The following MRC2 variants were observed in gnomAD, a reference collection of about 807,000 sequenced individuals.
MRC2 encodes the protein C-type mannose receptor 2.
Under a neutral mutation model 206.2 loss-of-function variants are expected in MRC2, and 84 were observed. The ratio of observed to expected loss-of-function variants is 0.41; its 90% confidence interval spans 0.34 to 0.49. MRC2 has a LOEUF of 0.49. Among genes scored for constraint, MRC2 ranks in the 20% least tolerant of loss-of-function variants. MRC2 has a pLI of 0.31. For synonymous variants in MRC2, 798 were observed against 800.0 expected (o/e 1.00, Z 0.04); for missense variants, 1,676 against 2,001.5 (o/e 0.84, Z 3.10).
chr17:62,681,896 T>C lies in MRC2; in HGVS notation c.2762T>C (p.Val921Ala). ...TGGGCACCAGGCAAACCTCGGCCTG[T>C]CGGCAAGGACAAGAAGTGCGTGTAC... ...ISWAPGKPRPVGKDKKCVYMT... is the reference protein window; with the variant it reads ...ISWAPGKPRPAGKDKKCVYMT... The change falls in exon 19 of 30, where the codon GTC (valine) becomes GCC (alanine). Residue 921 changes from valine (V) to alanine (A), a missense_variant. Transcript: ENST00000303375. 6.2e-7 allele frequency: 1 copy of C among 1,613,968 alleles called. No individual in the cohort carries two copies. The highest frequency in any genetic ancestry group is 8.5e-7 in the Non-Finnish European group (1 of 1,180,002).
intron 19 of MRC2, 81 bp downstream of exon 19, chr17:62,682,018 T>C: frequency 7.8e-7 from 1 of 1,284,424 alleles, no homozygotes; most frequent in Non-Finnish European, 1.1e-6. Flanking sequence ...AAGTCATCAG[T>C]CTGTTCTCAT....
In MRC2 at chr17:62,672,998, A is replaced by AAAT. The variant is rs2088845835; in HGVS notation, c.1461+848_1461+849insTAA. Among the ~76,000 whole-genome samples, 1 of 151,456 alleles carries AAAT rather than the reference A, an allele frequency of 6.6e-6. No individual in the cohort carries two copies. The highest frequency in any genetic ancestry group is 2.1e-4 in the South Asian group (1 of 4,790). ...CAGAGCAAGACCCTGTCTCAAAAAA[A>AAAT]AAAAAATAAAATAAAAAGGAGAAAG... On this transcript the variant is annotated intron_variant, in intron 8 of 29. Transcript: ENST00000303375. The surrounding 1 kb of genome is among the most constrained non-coding windows in gnomAD (Gnocchi z 4.5).
In MRC2 at chr17:62,669,817, A is replaced by G. The variant is rs2088805834; in HGVS notation, c.1118-1832A>G. Among the ~76,000 whole-genome samples, 4 of 152,158 alleles carry G rather than the reference A, an allele frequency of 2.6e-5. No individual in the cohort carries two copies. The South Asian group carries it at 8.3e-4, about 32-fold the overall frequency. ...GTGATTCACCCGCCTCGGCCTCCCA[A>G]AGTGCTGGAATTACAGGCGTGAGCC... On this transcript the variant is annotated intron_variant, in intron 6 of 29. Transcript: ENST00000303375.
Position 62,677,258 on chromosome 17 carries a change from C to T in MRC2, c.1835-11C>T. On this transcript the variant is annotated splice_polypyrimidine_tract_variant and intron_variant, in intron 11 of 29. Coordinates refer to ENST00000303375, the MANE Select transcript of MRC2 (RefSeq NM_006039.5). Reference sequence around the variant, plus strand: ...TTCTCAGAGCCTGGGTCTCCCTTCCCTCTCCTTCAGGGTACAGCCGTGGGG... The same window carrying T: ...TTCTCAGAGCCTGGGTCTCCCTTCCTTCTCCTTCAGGGTACAGCCGTGGGG... 2.5e-6 allele frequency: 4 copies of T among 1,571,518 alleles called. No individual in the cohort carries two copies. The highest frequency in any genetic ancestry group is 3.5e-6 in the Non-Finnish European group (4 of 1,155,194).
Position 62,672,325 on chromosome 17 carries a change from GGCTT to G in MRC2, c.1461+175_1461+178del, listed in dbSNP as rs2088836272. Reference sequence around the variant, plus strand: ...TCCCTTCCATGTGAGAGACTGCCGGGGCTTGAATCCTACCTCCACCTCCACCTCC... The same window carrying G: ...TCCCTTCCATGTGAGAGACTGCCGGGGAATCCTACCTCCACCTCCACCTCC... On this transcript the variant is annotated intron_variant, in intron 8 of 29. Transcript: ENST00000303375. The surrounding 1 kb of genome is among the most constrained non-coding windows in gnomAD (Gnocchi z 4.5). Among the ~76,000 whole-genome samples the G allele has an allele frequency of 6.6e-6, 1 of 152,072 alleles. No individual in the cohort carries two copies. The highest frequency in any genetic ancestry group is 1.9e-4 in the East Asian group (1 of 5,184).
intron 2 of MRC2, among the ~76,000 whole-genome samples, chr17:62,665,595 C>A (rs2088742294): frequency 6.6e-6 from 1 of 152,132 alleles, no homozygotes; most frequent in Non-Finnish European, 1.5e-5. Flanking sequence ...CCATTGTAGC[C>A]CCCCATGTTG....
In MRC2 at chr17:62,671,622, G is replaced by GAGC; in HGVS notation, c.1118-20_1118-18dup. The GAGC allele has an allele frequency of 6.5e-7, 1 of 1,537,864 alleles. No homozygotes were observed. The highest frequency in any genetic ancestry group is 2.3e-5 in the East Asian group (1 of 44,120). ...TCCCAGACTGGGCGGCTCAGTCCCT[G>GAGC]AGCAGCAGCCTCATGGGTCTCTGCA... On this transcript the variant is annotated intron_variant, in intron 6 of 29. Coordinates refer to ENST00000303375, the MANE Select transcript of MRC2 (RefSeq NM_006039.5). The surrounding 1 kb of genome is among the most constrained non-coding windows in gnomAD (Gnocchi z 4.5).
At chr17:62,676,779 T>C (rs930275940) in intron 11 of MRC2, among the ~76,000 whole-genome samples, 1 of 152,304 alleles carries the variant, frequency 6.6e-6, no homozygotes, top group East Asian at 1.9e-4. Context: ...CCTTTCCTCA[T>C]AGGGATGACA....
chr17:62,681,562 T>G, intron 18 of MRC2: 1 of 472,178 alleles, frequency 2.1e-6, no homozygotes, highest in South Asian at 2.6e-5. Context: ...AATTTGAGCT[T>G]GTCTTTTTGC....
intron 1 of MRC2, among the ~76,000 whole-genome samples, chr17:62,642,157 G>A (rs1448998063): frequency 8.6e-5 from 13 of 152,042 alleles, no homozygotes; most frequent in Admixed American, 6.6e-4. Flanking sequence ...ATTCAATTAG[G>A]TGTCATGTCT....
intron 27 of MRC2, 33 bp downstream of exon 27, chr17:62,690,794 A>G (rs1165739269): frequency 1.3e-6 from 2 of 1,566,346 alleles, no homozygotes; most frequent in Admixed American, 3.8e-5. Context: ...GGAGAGGTCA[A>G]GCCTCAGGCT....
chr17:62,670,705 C>A lies in MRC2; in HGVS notation c.1118-944C>A, dbSNP rs79641908. 5.6e-4 allele frequency among the ~76,000 whole-genome samples: 85 copies of A among 152,236 alleles called. 4 individuals are homozygous for A. In the East Asian group the frequency reaches 0.015, roughly 27 times the overall value. On this transcript the variant is annotated intron_variant, in intron 6 of 29. Coordinates refer to ENST00000303375, the MANE Select transcript of MRC2 (RefSeq NM_006039.5). ...GGGTGGATTTCTCAGCCCTGGGGTT[C>A]AGGGTTAGGAGTTAGGAGCGGGGAA...
chr17:62,638,107 C>G (rs999221887), intron 1 of MRC2, among the ~76,000 whole-genome samples: 3 of 152,186 alleles, frequency 2.0e-5, no homozygotes, highest in Non-Finnish European at 2.9e-5. Flanking sequence ...AAGGGCTCCT[C>G]CTGCCCCAGC....
At chr17:62,651,793 A>G (rs1227511738) in intron 1 of MRC2, among the ~76,000 whole-genome samples, 1 of 151,476 alleles carries the variant, frequency 6.6e-6, no homozygotes, top group Non-Finnish European at 1.5e-5. Flanking sequence ...GCTGGTCTCA[A>G]ACTCCTGGCC....
rs1343032325 is a variant in MRC2 at position 62,690,358 on chromosome 17, G to A, written c.3892+53G>A. On this transcript the variant is annotated intron_variant, in intron 26 of 29. Transcript: ENST00000303375. ...TGGCGGGCAGGTGGCACCTCCTCTCGTGGGCACTCAGACCCATGAGTACAT... is the reference window on the plus strand; with the variant it reads ...TGGCGGGCAGGTGGCACCTCCTCTCATGGGCACTCAGACCCATGAGTACAT... The A allele has an allele frequency of 7.1e-6, 11 of 1,557,754 alleles. No individual in the cohort carries two copies. In the East Asian group the frequency reaches 1.1e-4, roughly 16 times the overall value.
At chr17:62,682,050 A>G (rs939050265) in intron 19 of MRC2, 113 bp downstream of exon 19, 5 of 1,160,528 alleles carry the variant, frequency 4.3e-6, no homozygotes, top group East Asian at 2.6e-5. Context: ...CCACAACCCA[A>G]TAAAGGCTAG....
In MRC2 at chr17:62,667,600, G is replaced by A. The variant is rs1408195238; in HGVS notation, c.1117+67G>A. The A allele has an allele frequency of 2.6e-6, 4 of 1,517,806 alleles. No individual in the cohort carries two copies. The highest frequency in any genetic ancestry group is 1.4e-5 in the African/African-American group (1 of 70,126). The allele number at this position is 1,517,806 out of a possible 1,614,324, so 94.0% of individuals were successfully genotyped here. On this transcript the variant is annotated intron_variant, in intron 6 of 29. Transcript: ENST00000303375. This position sits in a 1 kb window ranked among gnomAD's most constrained non-coding sequence, Gnocchi z 4.1. ...GGGCCAGGGACACAGCCACAGAGCC[G>A]TGGCAGGCCCAGCCTCTCCTCCGGT...
chr17:62,648,609 TCTC>T (rs1313317892), intron 1 of MRC2, among the ~76,000 whole-genome samples: 2 of 152,082 alleles, frequency 1.3e-5, no homozygotes, highest in African/African-American at 2.4e-5. Context: ...ACCCTCCTCT[TCTC>T]CTTGCATCTC....
chr17:62,646,922 C>T (rs1156453939), intron 1 of MRC2, among the ~76,000 whole-genome samples: 1 of 152,108 alleles, frequency 6.6e-6, no homozygotes, highest in African/African-American at 2.4e-5. Context: ...ACTGTTAACA[C>T]CTGGGTATGT....
Sources: gnomAD v4.1 joint callset for allele counts (sites outside exome capture counted in the v4.1 genomes callset) on GRCh38, gnomAD v4.1.1 for gene constraint, Gnocchi (gnomAD v3.1) non-coding constraint, MANE v1.5 for transcripts, NCBI Gene and HGNC (gene_info 2026-07-23, HGNC 2026-07-21) for gene names.